GOLGB1: variants seen among roughly 807,000 people sequenced by gnomAD.
GOLGB1 encodes the protein golgin subfamily B member 1.
GOLGB1 carries 174 observed loss-of-function variants against 336.9 expected under a neutral mutation model. The ratio of observed to expected loss-of-function variants is 0.52; its 90% CI spans 0.46 to 0.59. The LOEUF (loss-of-function observed/expected upper bound fraction) is 0.59, where lower values mean the gene tolerates loss of function less well. Among genes scored for constraint, GOLGB1 ranks in the 20% least tolerant of loss-of-function variants. GOLGB1 has a pLI of 0.00. For synonymous variants in GOLGB1, 1,208 were observed against 1,289.2 expected, an observed-to-expected ratio of 0.94 and a Z score of 1.35; for missense variants, 3,331 against 3,645.3, an observed-to-expected ratio of 0.91 and a Z score of 2.22.
At chr3:121,702,992 A>G (rs1442925192) in intron 10 of GOLGB1, among the ~76,000 whole-genome samples, 1 of 152,202 alleles carries the variant, frequency 6.6e-6, no homozygotes, top group Admixed American at 6.5e-5. Flanking sequence ...AGGTTCCACA[A>G]AGAGGAATAG....
chr3:121,707,235 A>AC (rs1553874486), intron 10 of GOLGB1, among the ~76,000 whole-genome samples: 3 of 150,926 alleles, frequency 2.0e-5, no homozygotes, highest in African/African-American at 7.3e-5. Context: ...CAAAAAAAAA[A>AC]AAAAAAACAA....
chr3:121,722,397 TAGAA>T lies in GOLGB1; in HGVS notation c.532-23_532-20del. 1 of 1,330,070 alleles carries T rather than the reference TAGAA, an allele frequency of 7.5e-7. No homozygotes were observed. The highest frequency in any genetic ancestry group is 2.3e-5 in the East Asian group (1 of 43,532). 82.4% of individuals were successfully genotyped at this position (1,330,070 alleles called of 1,614,324 possible). On this transcript the variant is annotated intron_variant, in intron 5 of 21. Transcript: ENST00000614479. Reference sequence around the variant, plus strand: ...TAGAACTCTTATCAAACCGAAGACATAGAAGGAAAAAAAATTATTTAAGCAAAAG... The same window carrying T: ...TAGAACTCTTATCAAACCGAAGACATGGAAAAAAAATTATTTAAGCAAAAG...
rs187590635 is a variant in GOLGB1 at position 121,722,452 on chromosome 3, T to A, written c.532-74A>T. Reference sequence around the variant, plus strand: ...AATGAGCATTATTAATTCTTTGACCTCCCTTTCTTGCTTAACCTAAATGCC... The same window carrying A: ...AATGAGCATTATTAATTCTTTGACCACCCTTTCTTGCTTAACCTAAATGCC... On this transcript the variant is annotated intron_variant, in intron 5 of 21. Transcript: ENST00000614479. 217 of 795,144 alleles carry A rather than the reference T, an allele frequency of 2.7e-4. No homozygotes were observed. The African/African-American group carries it at 3.3e-3, about 12-fold the overall frequency. The allele number at this position is 795,144 out of a possible 1,614,324, so 49.3% of individuals were successfully genotyped here. A position where few individuals can be genotyped will look rare whatever the true frequency, so the allele number is the denominator to read the frequency against.
chr3:121,726,300 G>A (rs1271388750), intron 5 of GOLGB1, among the ~76,000 whole-genome samples: 3 of 151,166 alleles, frequency 2.0e-5, no homozygotes, highest in Non-Finnish European at 4.4e-5. Context: ...CAGGCATGGT[G>A]GTGCATGCCT....
chr3:121,747,368 C>T (rs1238846286), intron 1 of GOLGB1, among the ~76,000 whole-genome samples: 2 of 135,148 alleles, frequency 1.5e-5, no homozygotes, highest in East Asian at 2.1e-4. Context: ...CGTATATATA[C>T]GTATATGTCT....
intron 6 of GOLGB1, 38 bp downstream of exon 6, chr3:121,722,224 C>T: frequency 8.6e-7 from 1 of 1,159,860 alleles, no homozygotes; most frequent in Non-Finnish European, 1.3e-6. Flanking sequence ...ACCCACTGGA[C>T]TTCATAGCTC....
At chr3:121,671,531 CAT>C (rs1294360790) in intron 17 of GOLGB1, among the ~76,000 whole-genome samples, 1 of 152,156 alleles carries the variant, frequency 6.6e-6, no homozygotes, top group Middle Eastern at 3.2e-3. Context: ...AATAGATATA[CAT>C]AGTTTCAGGA....
At chr3:121,673,624 T>C (rs181456651) in intron 17 of GOLGB1, among the ~76,000 whole-genome samples, 250 of 152,326 alleles carry the variant, frequency 1.6e-3, no homozygotes, top group African/African-American at 5.6e-3. Flanking sequence ...AAATCTTTCA[T>C]TTCTTTGGTT....
intron 10 of GOLGB1, among the ~76,000 whole-genome samples, chr3:121,710,711 G>T (rs1457288091): frequency 6.6e-6 from 1 of 151,988 alleles, no homozygotes; most frequent in Non-Finnish European, 1.5e-5. Context: ...CATAAAAATA[G>T]CCGGGCATGG....
At chr3:121,706,082 G>A (rs1943793839) in intron 10 of GOLGB1, among the ~76,000 whole-genome samples, 1 of 151,182 alleles carries the variant, frequency 6.6e-6, no homozygotes, top group Non-Finnish European at 1.5e-5. Flanking sequence ...AGGTTGCAGT[G>A]AGCTGAGACT....
chr3:121,668,698 T>C (rs1279808619), intron 18 of GOLGB1, among the ~76,000 whole-genome samples: 6 of 145,494 alleles, frequency 4.1e-5, no homozygotes, highest in East Asian at 2.0e-4. Flanking sequence ...AAAAAAAAAG[T>C]TAAGTCTGCT....
intron 1 of GOLGB1, among the ~76,000 whole-genome samples, chr3:121,737,662 A>AC (rs1399607170): frequency 6.6e-6 from 1 of 152,106 alleles, no homozygotes; most frequent in Non-Finnish European, 1.5e-5. Flanking sequence ...AAAAAAAAAA[A>AC]AAAACCTCAG....
At chr3:121,664,793 G>A in intron 21 of GOLGB1, 133 bp downstream of exon 21, 3 of 770,224 alleles carry the variant, frequency 3.9e-6, no homozygotes, top group South Asian at 1.7e-5. Context: ...AATCTTCCAC[G>A]CCCTTCCAGC....
intron 14 of GOLGB1, among the ~76,000 whole-genome samples, chr3:121,688,406 T>A (rs529391075): frequency 6.6e-6 from 1 of 152,268 alleles, no homozygotes; most frequent in South Asian, 2.1e-4. Flanking sequence ...CGGGCTGGTC[T>A]CCAGCTCCTA....
At chr3:121,747,600 G>C (rs895725465) in intron 1 of GOLGB1, among the ~76,000 whole-genome samples, 4 of 151,762 alleles carry the variant, frequency 2.6e-5, no homozygotes, top group Non-Finnish European at 4.4e-5. Flanking sequence ...CATGGATATT[G>C]AAAGTGCCTA....
intron 1 of GOLGB1, 91 bp from the exon 2 acceptor site, chr3:121,731,064 A>G: frequency 1.6e-6 from 2 of 1,285,486 alleles, no homozygotes; most frequent in Non-Finnish European, 2.1e-6. Context: ...CCGTGAATGA[A>G]AAAAGAATAC....
At position 121,716,776 on chromosome 3, in the gene GOLGB1, G is replaced by A. The variant is rs760510830; in HGVS notation, c.1249C>T (p.Gln417Ter). Residue 417 changes from glutamine to a stop codon, truncating the protein, a stop_gained, in exon 9 of 22, where the codon CAA becomes TAA. Transcript: ENST00000614479. LOFTEE classifies it high-confidence loss of function. Reference protein sequence around the residue: ...NSKLLQDKNEQAVQSAQTIQQ... With the variant: ...NSKLLQDKNE ...ATGGTCTGGGCTGACTGAACTGCTTGCTCATTCTTATCTTGGAGAAGCTTT... is the reference window on the plus strand; with the variant it reads ...ATGGTCTGGGCTGACTGAACTGCTTACTCATTCTTATCTTGGAGAAGCTTT... 6.2e-7 allele frequency: 1 copy of A among 1,613,700 alleles called. No homozygotes were observed. Among genetic ancestry groups the A allele is most frequent in the Non-Finnish European group, 8.5e-7 (1 of 1,179,678 alleles).
chr3:121,725,460 T>C (rs1945515500), intron 5 of GOLGB1, among the ~76,000 whole-genome samples: 1 of 152,200 alleles, frequency 6.6e-6, no homozygotes, highest in Non-Finnish European at 1.5e-5. Flanking sequence ...TTCTCCCTTT[T>C]AGAATGAGAA....
At chr3:121,747,152 A>T (rs564792737) in intron 1 of GOLGB1, among the ~76,000 whole-genome samples, 61 of 17,948 alleles carry the variant, frequency 3.4e-3, no homozygotes, top group African/African-American at 8.1e-3. Flanking sequence ...CATGGATGTT[A>T]TATATATATA....
Sources: gnomAD v4.1 joint callset for allele counts (sites outside exome capture counted in the v4.1 genomes callset) on GRCh38, gnomAD v4.1.1 for gene constraint, MANE v1.5 for transcripts, NCBI Gene and HGNC (gene_info 2026-07-23, HGNC 2026-07-21) for gene names.